The following LRP5 variants were observed in gnomAD, a reference collection of about 807,000 sequenced individuals.
LRP5 encodes low-density lipoprotein receptor-related protein 5.
LRP5 carries 62 observed loss-of-function variants against 154.1 expected under a neutral mutation model. The ratio of observed to expected loss-of-function variants is 0.40; its 90% CI spans 0.33 to 0.50. The LOEUF is 0.50. LRP5 is among the 20% of genes least tolerant of loss of function. The pLI is 0.55. For synonymous variants in LRP5, 966 were observed against 1,011.5 expected (o/e 0.96, Z 0.85); for missense variants, 1,915 against 2,336.7 (o/e 0.82, Z 3.72).
chr11:68,348,997 A>T (rs2098616083), intron 2 of LRP5, among the ~76,000 whole-genome samples: 2 of 142,068 alleles, frequency 1.4e-5, no homozygotes, highest in South Asian at 2.2e-4. Flanking sequence ...TGAAGGAATT[A>T]CTTCCCCTTG....
the LRP5 span, among the ~76,000 whole-genome samples, chr11:68,307,589 T>C: frequency 6.6e-6 from 1 of 151,776 alleles, no homozygotes; most frequent in African/African-American, 2.4e-5. Context: ...CCCAGGGAGG[T>C]TGAGGCTGCA....
rs570012146 is a variant in LRP5 at position 68,322,151 on chromosome 11, G to A, written c.91+9346G>A. Among the ~76,000 whole-genome samples the A allele has an allele frequency of 5.9e-5, 9 of 151,524 alleles. No homozygotes were observed. The East Asian group carries it at 7.8e-4, about 13-fold the overall frequency. On this transcript the variant is annotated intron_variant, in intron 1 of 22. Transcript: ENST00000294304. The stretch of plus-strand genomic sequence containing the variant: ...CGGGCGTGGCCGTGCTGCCCTGGCC[G>A]CCTCCTCACTTCAGCTGGAGCCTCC...
At chr11:68,339,365 C>T (rs1018653867) in intron 1 of LRP5, among the ~76,000 whole-genome samples, 6 of 146,898 alleles carry the variant, frequency 4.1e-5, no homozygotes, top group African/African-American at 1.5e-4. Context: ...CTTTTTTTTC[C>T]GAAACGGAAT....
chr11:68,312,471 G>C (rs565096497), upstream of LRP5: 1 of 146,664 alleles, frequency 6.8e-6, no homozygotes, highest in Non-Finnish European at 1.5e-5. Flanking sequence ...CCTGGCCGCC[G>C]GCCGGCTCCG....
At position 68,389,301 on chromosome 11, in the gene LRP5, T is replaced by C. The variant is rs1279657735; in HGVS notation, c.1413-580T>C. On this transcript the variant is annotated intron_variant, in intron 6 of 22. Transcript: ENST00000294304. ...TTACCAACACTGACATTTACCGACA[T>C]TGACATTTACTGACACTGACATCTA... Among the ~76,000 whole-genome samples, 13 of 143,850 alleles carry C rather than the reference T, an allele frequency of 9.0e-5. No homozygotes were observed. The East Asian group carries it at 1.0e-3, about 12-fold the overall frequency. 94.4% of individuals were successfully genotyped at this position (143,850 alleles called of 152,430 possible).
chr11:68,302,615 A>G, the LRP5 span, among the ~76,000 whole-genome samples: 1 of 152,092 alleles, frequency 6.6e-6, no homozygotes, highest in Non-Finnish European at 1.5e-5. Flanking sequence ...CTAACAGCGG[A>G]GTGGGTGAGG....
In LRP5 at chr11:68,353,209, A is replaced by T. The variant is rs565909893; in HGVS notation, c.489-4441A>T. Among the ~76,000 whole-genome samples the T allele has an allele frequency of 1.6e-4, 25 of 152,242 alleles. 1 individual carries two copies. The Middle Eastern group carries it at 0.02, about 124-fold the overall frequency. On this transcript the variant is annotated intron_variant, in intron 2 of 22. Transcript: ENST00000294304. The surrounding 1 kb of genome is among the most constrained non-coding windows in gnomAD (Gnocchi z 4.5). ...TTCTCTCCCAGAAGCCCTCCCCAGG[A>T]TCACACCTGTGGCTGTTCACTCCCA...
At chr11:68,437,725 T>C (rs1276536914) in intron 19 of LRP5, among the ~76,000 whole-genome samples, 4 of 152,224 alleles carry the variant, frequency 2.6e-5, no homozygotes, top group Non-Finnish European at 5.9e-5. Flanking sequence ...CTTTGGCACC[T>C]TCGTGCCAGG....
At chr11:68,385,404 A>G (rs1362466000) in intron 5 of LRP5, among the ~76,000 whole-genome samples, 1 of 151,768 alleles carries the variant, frequency 6.6e-6, no homozygotes. Context: ...GTGTGTGGAC[A>G]GTGCCTTGCC....
At chr11:68,429,208 G>T (rs925029125) in intron 16 of LRP5, among the ~76,000 whole-genome samples, 1 of 148,146 alleles carries the variant, frequency 6.8e-6, no homozygotes, top group African/African-American at 2.5e-5. Context: ...AGCCATGATC[G>T]CACCACTGCC....
intron 12 of LRP5, among the ~76,000 whole-genome samples, chr11:68,414,450 G>A (rs1382845027): frequency 6.6e-6 from 1 of 152,178 alleles, no homozygotes; most frequent in African/African-American, 2.4e-5. Flanking sequence ...ACTGGGGTGG[G>A]TTGAGCCGGG....
chr11:68,426,423 C>CTTTTT (rs58093101), intron 16 of LRP5, among the ~76,000 whole-genome samples: 1 of 130,448 alleles, frequency 7.7e-6, no homozygotes, highest in Non-Finnish European at 1.6e-5. Flanking sequence ...AACACCAACT[C>CTTTTT]TTTTTTTTTT....
Position 68,373,655 on chromosome 11 carries a change from G to A in LRP5, c.1015+7953G>A, listed in dbSNP as rs141614519. Among the ~76,000 whole-genome samples, 156 of 152,256 alleles carry A rather than the reference G, an allele frequency of 1.0e-3. 1 individual carries two copies. Among genetic ancestry groups the A allele is most frequent in the Middle Eastern group, 6.8e-3 (2 of 294 alleles). ...AGTCGAGTGCAGAGCCTGGGCCTCC[G>A]GCCTCCCCACCCCCTCCACACAGCC... On this transcript the variant is annotated intron_variant, in intron 5 of 22. Coordinates refer to ENST00000294304, the MANE Select transcript of LRP5 (RefSeq NM_002335.4).
intron 4 of LRP5, among the ~76,000 whole-genome samples, chr11:68,364,378 G>GTC (rs972237574): frequency 2.6e-5 from 4 of 151,690 alleles, no homozygotes; most frequent in African/African-American, 9.7e-5. Flanking sequence ...GTGTGTGTGT[G>GTC]TGTGTGTGTG....
At chr11:68,438,758 G>T in intron 20 of LRP5, 76 bp downstream of exon 20, 1 of 1,314,730 alleles carries the variant, frequency 7.6e-7, no homozygotes, top group Admixed American at 1.8e-5. Flanking sequence ...GTGGAGCAGG[G>T]ATGTGCTACC....
chr11:68,312,454 G>A (rs1219592950), upstream of LRP5, among the ~76,000 whole-genome samples: 1 of 147,774 alleles, frequency 6.8e-6, no homozygotes, highest in Admixed American at 6.7e-5. Context: ...CTGCGCCGCT[G>A]GGGCCGCCTG....
chr11:68,365,981 G>A (rs1430890325), intron 5 of LRP5, among the ~76,000 whole-genome samples: 2 of 152,208 alleles, frequency 1.3e-5, no homozygotes, highest in Non-Finnish European at 2.9e-5. Context: ...GGCACTTGGT[G>A]CTTCCTGGGA....
intron 5 of LRP5, among the ~76,000 whole-genome samples, chr11:68,365,952 CT>C (rs1265993934): frequency 2.0e-5 from 3 of 152,164 alleles, no homozygotes; most frequent in Non-Finnish European, 2.9e-5. Flanking sequence ...CACTTTTTTA[CT>C]CTCCGCCTTG....
Position 68,353,237 on chromosome 11 carries a change from C to T in LRP5, c.489-4413C>T, listed in dbSNP as rs1354645742. Among the ~76,000 whole-genome samples, 1 of 152,216 alleles carries T rather than the reference C, an allele frequency of 6.6e-6. No individual in the cohort carries two copies. The highest frequency in any genetic ancestry group is 1.5e-5 in the Non-Finnish European group (1 of 68,026). On this transcript the variant is annotated intron_variant, in intron 2 of 22. Transcript: ENST00000294304. The surrounding 1 kb of genome is among the most constrained non-coding windows in gnomAD (Gnocchi z 4.5). ...ACACCTGTGGCTGTTCACTCCCACC[C>T]CTGCCCCTGGGGCAAAGTTGACCTT...
Sources: gnomAD v4.1 joint callset for allele counts (sites outside exome capture counted in the v4.1 genomes callset) on GRCh38, gnomAD v4.1.1 for gene constraint, Gnocchi (gnomAD v3.1) non-coding constraint, MANE v1.5 for transcripts, NCBI Gene and HGNC (gene_info 2026-07-23, HGNC 2026-07-21) for gene names.